Variants in CCDC92 observed in about 807,000 individuals in gnomAD.
The protein encoded by CCDC92 is coiled-coil domain containing 92.
CCDC92 carries 12 observed loss-of-function variants against 24.9 expected under a neutral mutation model. The observed-to-expected ratio is 0.48, with a 90% CI of 0.31 to 0.78. The LOEUF is 0.78. Among genes scored for constraint, CCDC92 ranks in the 30% least tolerant of loss-of-function variants. The pLI is 0.05. For missense variants in CCDC92, 399 were observed against 439.4 expected (o/e 0.91, Z 0.82); for synonymous variants, 193 against 196.3 (o/e 0.98, Z 0.14).
rs1007787364 is a variant in CCDC92, at chr12:123,935,686, T to C, written c.*1372A>G. On this transcript the variant is annotated 3_prime_UTR_variant, in exon 5 of 5. Coordinates refer to ENST00000238156, the MANE Select transcript of CCDC92 (RefSeq NM_025140.3). Reference sequence around the variant, plus strand: ...AATACTACTTTTTAAAAGGAATTTATATAATCAAAAAGTAAATATTGGAGA... The same window carrying C: ...AATACTACTTTTTAAAAGGAATTTACATAATCAAAAAGTAAATATTGGAGA... The C allele has an allele frequency of 2.1e-6, 1 of 483,802 alleles. No homozygotes were observed. 30.0% of individuals were successfully genotyped at this position (483,802 alleles called of 1,614,324 possible).
In CCDC92 at chr12:123,950,460, T is replaced by C. The variant is rs185071643; in HGVS notation, c.-59-6096A>G. Among the ~76,000 whole-genome samples the C allele has an allele frequency of 2.0e-5, 3 of 152,282 alleles. No individual in the cohort carries two copies. In the East Asian group the frequency reaches 5.8e-4, roughly 29 times the overall value. On this transcript the variant is annotated intron_variant, in intron 1 of 4. Coordinates refer to ENST00000238156, the MANE Select transcript of CCDC92 (RefSeq NM_025140.3). ...CGGCAAAAAGACTCACTAATGACTC[T>C]TGCTCGTAATACCAGCAAAGGTTCC...
intron 4 of CCDC92, among the ~76,000 whole-genome samples, chr12:123,941,698 C>T (rs540797791): frequency 9.9e-5 from 15 of 152,214 alleles, no homozygotes; most frequent in South Asian, 2.1e-4. Flanking sequence ...CAGGGCTGAG[C>T]GAGCCCTGGA....
chr12:123,959,659 G>C (rs1281668555), intron 1 of CCDC92, among the ~76,000 whole-genome samples: 1 of 152,192 alleles, frequency 6.6e-6, no homozygotes, highest in Non-Finnish European at 1.5e-5. Flanking sequence ...CAGCAAGATA[G>C]GTATGATTAT....
chr12:123,969,766 T>A (rs1247304991), intron 1 of CCDC92, among the ~76,000 whole-genome samples: 3 of 152,086 alleles, frequency 2.0e-5, no homozygotes, highest in African/African-American at 7.2e-5. Flanking sequence ...TTTTAAAACA[T>A]GTTTTCAGCC....
chr12:123,959,964 C>T (rs989931808), intron 1 of CCDC92, among the ~76,000 whole-genome samples: 2 of 152,190 alleles, frequency 1.3e-5, no homozygotes, highest in Admixed American at 6.5e-5. Context: ...TGGGACCTGC[C>T]GTGGCCAGTG....
chr12:123,961,647 G>C (rs182214554), intron 1 of CCDC92, among the ~76,000 whole-genome samples: 1 of 152,156 alleles, frequency 6.6e-6, no homozygotes, highest in Non-Finnish European at 1.5e-5. Flanking sequence ...AGTTTAGTCC[G>C]GCAGGGACGA....
chr12:123,949,515 G>T (rs1306876044), intron 1 of CCDC92, among the ~76,000 whole-genome samples: 1 of 152,200 alleles, frequency 6.6e-6, no homozygotes, highest in African/African-American at 2.4e-5. Context: ...GCCCCACCCA[G>T]GTGACTTTGC....
intron 2 of CCDC92, 42 bp from the exon 3 acceptor site, chr12:123,943,535 TC>T: frequency 6.2e-7 from 1 of 1,610,330 alleles, no homozygotes. Flanking sequence ...CTGAAGAGGG[TC>T]CCAGGGCTGC....
Position 123,935,830 on chromosome 12 carries a change from G to GTGTT in CCDC92, c.*1224_*1227dup, listed in dbSNP as rs1955470304. 1 of 193,530 alleles carries GTGTT rather than the reference G, an allele frequency of 5.2e-6. No homozygotes were observed. 12.0% of individuals were successfully genotyped at this position (193,530 alleles called of 1,614,324 possible). Reference sequence around the variant, plus strand: ...GAATCCTAATGTAATTTCCAAAGGTGTGTTTTCGATGATCCAGGTCTGTTT... The same window carrying GTGTT: ...GAATCCTAATGTAATTTCCAAAGGTGTGTTTGTTTTCGATGATCCAGGTCTGTTT... On this transcript the variant is annotated 3_prime_UTR_variant, in exon 5 of 5. Transcript: ENST00000238156.
intron 1 of CCDC92, among the ~76,000 whole-genome samples, chr12:123,949,844 G>C (rs1022717836): frequency 1.3e-5 from 2 of 152,264 alleles, no homozygotes; most frequent in East Asian, 3.8e-4. Context: ...AGGAAGGCCC[G>C]GCCTCGCCGA....
At chr12:123,947,567 C>T (rs1385563685) in intron 1 of CCDC92, among the ~76,000 whole-genome samples, 2 of 152,148 alleles carry the variant, frequency 1.3e-5, no homozygotes, top group African/African-American at 2.4e-5. Context: ...ATGCACCAAT[C>T]GACACTCTGT....
chr12:123,950,276 C>G (rs1016722120), intron 1 of CCDC92, among the ~76,000 whole-genome samples: 1 of 152,186 alleles, frequency 6.6e-6, no homozygotes, highest in Non-Finnish European at 1.5e-5. Context: ...ACTGAAGTAG[C>G]CTTTTGGCCC....
At chr12:123,956,750 T>TGATC (rs1392693289) in intron 1 of CCDC92, among the ~76,000 whole-genome samples, 2 of 152,228 alleles carry the variant, frequency 1.3e-5, no homozygotes, top group Non-Finnish European at 2.9e-5. Context: ...AACCAAATTT[T>TGATC]GATCATCGTA....
rs1429511208 is a variant in CCDC92 at position 123,936,960 on chromosome 12, G to GTGTT, written c.*94_*97dup. The GTGTT allele has an allele frequency of 2.2e-6, 3 of 1,375,202 alleles. No homozygotes were observed. Among genetic ancestry groups the GTGTT allele is most frequent in the Non-Finnish European group, 3.0e-6 (3 of 991,762 alleles). The allele number at this position is 1,375,202 out of a possible 1,614,324, so 85.2% of individuals were successfully genotyped here. On this transcript the variant is annotated 3_prime_UTR_variant, in exon 5 of 5. Transcript: ENST00000238156. Reference sequence around the variant, plus strand: ...GAGAATGGGTCGGTAGGTGTGAAAAGTGTTTGGCATGCATGGGATTAAACA... The same window carrying GTGTT: ...GAGAATGGGTCGGTAGGTGTGAAAAGTGTTTGTTTGGCATGCATGGGATTAAACA...
chr12:123,967,295 A>G (rs1349459737), intron 1 of CCDC92, among the ~76,000 whole-genome samples: 1 of 152,218 alleles, frequency 6.6e-6, no homozygotes, highest in Non-Finnish European at 1.5e-5. Context: ...AGTATCAGAT[A>G]CTGACCTTCC....
In CCDC92 at chr12:123,937,231, C is replaced by T. The variant is rs763676420; in HGVS notation, c.823G>A (p.Glu275Lys). The change falls in exon 5 of 5, where the codon GAG (glutamate) becomes AAG (lysine). Residue 275 changes from glutamate to lysine, a missense_variant. Glu to Lys is a moderately conservative substitution (Grantham distance 56, BLOSUM62 1). Transcript: ENST00000238156. This position sits in a 1 kb window ranked among gnomAD's most constrained non-coding sequence, Gnocchi z 8.4. ...TTTTCGCGGGCCGGGCTGTGCTGCT[C>T]GCCGCTTCGGTCGGAGGCGATGGGG... is the stretch of plus-strand genomic sequence containing the variant. ...IPPIASDRSG[E>K]QHSPAREKPH... 2.0e-5 allele frequency: 32 copies of T among 1,610,146 alleles called. No individual in the cohort carries two copies. Among genetic ancestry groups the T allele is most frequent in the East Asian group, 4.5e-5 (2 of 44,850 alleles).
chr12:123,942,523 C>T (rs112781014), intron 4 of CCDC92, among the ~76,000 whole-genome samples: 1 of 152,276 alleles, frequency 6.6e-6, no homozygotes, highest in Non-Finnish European at 1.5e-5. Context: ...ATGTGTCATT[C>T]AAAAGAAAAC....
chr12:123,952,496 A>G (rs1211602442), intron 1 of CCDC92, among the ~76,000 whole-genome samples: 1 of 152,242 alleles, frequency 6.6e-6, no homozygotes, highest in Admixed American at 6.5e-5. Flanking sequence ...TTAGGCCATC[A>G]ACTCTCAATT....
At chr12:123,941,543 G>A (rs1336317504) in intron 4 of CCDC92, among the ~76,000 whole-genome samples, 1 of 152,224 alleles carries the variant, frequency 6.6e-6, no homozygotes, top group Non-Finnish European at 1.5e-5. Context: ...CCATTGTGAG[G>A]CCTGTTTAGA....
Sources: allele counts gnomAD v4.1 joint callset (sites outside exome capture counted in the v4.1 genomes callset), GRCh38; gene constraint gnomAD v4.1.1; non-coding constraint Gnocchi (gnomAD v3.1); transcripts MANE v1.5; gene names NCBI Gene and HGNC (gene_info 2026-07-23, HGNC 2026-07-21).